The following PRKG1 variants were observed in gnomAD, a reference collection of about 807,000 sequenced individuals.
PRKG1 encodes the protein protein kinase cGMP-dependent 1.
A neutral mutation model predicts 88.1 loss-of-function variants in PRKG1; 35 were observed. That is an observed-to-expected ratio of 0.40 (90% CI 0.30 to 0.53). The LOEUF (loss-of-function observed/expected upper bound fraction) is 0.53. PRKG1 is among the 20% of genes least tolerant of loss of function. The pLI is 0.59. For missense variants in PRKG1, 540 were observed against 839.8 expected (o/e 0.64, Z 4.41); for synonymous variants, 303 against 292.5 (o/e 1.04, Z -0.37).
intron 3 of PRKG1, among the ~76,000 whole-genome samples, chr10:51,781,291 A>G (rs921215965): frequency 1.3e-5 from 2 of 152,166 alleles, no homozygotes; most frequent in Non-Finnish European, 2.9e-5. Flanking sequence ...ATGTGTATTT[A>G]TACTCATGAT....
chr10:51,136,950 G>A (rs1050446976), intron 1 of PRKG1, among the ~76,000 whole-genome samples: 1 of 151,930 alleles, frequency 6.6e-6, no homozygotes, highest in Non-Finnish European at 1.5e-5. Context: ...TGCCCACGCT[G>A]GAGTGCAGTG....
At chr10:52,169,412 C>T (rs372160883) in intron 9 of PRKG1, among the ~76,000 whole-genome samples, 1 of 152,096 alleles carries the variant, frequency 6.6e-6, no homozygotes, top group African/African-American at 2.4e-5. Flanking sequence ...GGAACAAGAG[C>T]TCTCTGGGGT....
chr10:51,450,561 C>T (rs1386594267), intron 2 of PRKG1, among the ~76,000 whole-genome samples: 1 of 152,008 alleles, frequency 6.6e-6, no homozygotes, highest in Non-Finnish European at 1.5e-5. Context: ...AAGAATTCGA[C>T]TTTGTCTTCT....
At chr10:51,792,826 T>G (rs1010435055) in intron 3 of PRKG1, among the ~76,000 whole-genome samples, 11 of 152,146 alleles carry the variant, frequency 7.2e-5, no homozygotes, top group Admixed American at 7.2e-4. Context: ...TGGGAGTTAC[T>G]GTGCCTAAAA....
At chr10:52,171,774 TCTTTTATCAAAA>T (rs1838686669) in intron 9 of PRKG1, among the ~76,000 whole-genome samples, 4 of 149,584 alleles carry the variant, frequency 2.7e-5, no homozygotes, top group Middle Eastern at 3.4e-3. Flanking sequence ...GAAGTATTTT[TCTTTTATCAAAA>T]TTTTTTTTTT....
At chr10:51,351,515 G>GT (rs200050595) in intron 2 of PRKG1, among the ~76,000 whole-genome samples, 23,817 of 151,292 alleles carry the variant, frequency 0.16, 2,761 homozygotes, top group African/African-American at 0.32. Flanking sequence ...GTGATGATGA[G>GT]TTTTTTTTTC....
chr10:51,746,252 C>A (rs1256783452), intron 3 of PRKG1, among the ~76,000 whole-genome samples: 11 of 151,782 alleles, frequency 7.2e-5, no homozygotes, highest in Admixed American at 7.2e-4. Flanking sequence ...ACCGAACAAG[C>A]AACCTGTGTA....
At chr10:51,984,965 T>A (rs1844115413) in intron 5 of PRKG1, among the ~76,000 whole-genome samples, 1 of 152,186 alleles carries the variant, frequency 6.6e-6, no homozygotes, top group South Asian at 2.1e-4. Flanking sequence ...AAGAGTTAAG[T>A]GTCTGAAAAG....
At chr10:52,105,517 G>C (rs1173273995) in intron 7 of PRKG1, among the ~76,000 whole-genome samples, 1 of 152,068 alleles carries the variant, frequency 6.6e-6, no homozygotes. Flanking sequence ...GACTGCAGAG[G>C]GCGTGTAGAA....
chr10:51,808,769 T>C (rs778272999), intron 4 of PRKG1, among the ~76,000 whole-genome samples: 7 of 151,160 alleles, frequency 4.6e-5, no homozygotes, highest in Non-Finnish European at 8.8e-5. Context: ...AGATATCTTA[T>C]ACTTTATACT....
chr10:51,831,569 C>T (rs1345088928), intron 4 of PRKG1, among the ~76,000 whole-genome samples: 4 of 152,128 alleles, frequency 2.6e-5, no homozygotes, highest in African/African-American at 9.7e-5. Context: ...TATGGCTGCT[C>T]CGTAAATTTT....
At chr10:52,291,731 ATAG>A (rs1456664875) in intron 17 of PRKG1, among the ~76,000 whole-genome samples, 8 of 116,092 alleles carry the variant, frequency 6.9e-5, no homozygotes, top group African/African-American at 4.3e-4. Context: ...ATGTGTCTTT[ATAG>A]CAGCATGATT....
At chr10:51,094,170 T>C (rs1019263318) in intron 1 of PRKG1, among the ~76,000 whole-genome samples, 2 of 151,948 alleles carry the variant, frequency 1.3e-5, no homozygotes, top group African/African-American at 4.8e-5. Context: ...ACTAGCATAG[T>C]ATCTAGGGCA....
intron 5 of PRKG1, among the ~76,000 whole-genome samples, chr10:51,931,613 A>G (rs1024807120): frequency 6.6e-6 from 1 of 152,190 alleles, no homozygotes. Context: ...CTCTCAGTTA[A>G]ATGTATTTCC....
chr10:51,216,145 T>G (rs1838365517), intron 2 of PRKG1, among the ~76,000 whole-genome samples: 1 of 152,160 alleles, frequency 6.6e-6, no homozygotes, highest in Admixed American at 6.5e-5. Context: ...ATTTGTGGGA[T>G]GAATGAATGA....
At chr10:51,300,373 C>T (rs1029233843) in intron 2 of PRKG1, among the ~76,000 whole-genome samples, 4 of 152,090 alleles carry the variant, frequency 2.6e-5, no homozygotes, top group African/African-American at 4.8e-5. Context: ...ATCATAAATT[C>T]GGGATTTATG....
At chr10:52,095,924 G>T (rs1847161185) in intron 7 of PRKG1, among the ~76,000 whole-genome samples, 1 of 152,170 alleles carries the variant, frequency 6.6e-6, no homozygotes, top group Admixed American at 6.6e-5. Context: ...GGTGCTGTGG[G>T]ACCATAGCTG....
chr10:52,188,318 GTA>G (rs1367876781), intron 9 of PRKG1, among the ~76,000 whole-genome samples: 2 of 93,720 alleles, frequency 2.1e-5, no homozygotes, highest in African/African-American at 1.1e-4. Flanking sequence ...ATATACATAT[GTA>G]TATATATACA....
At chr10:51,062,419 C>T (rs1843702785) in intron 1 of PRKG1, among the ~76,000 whole-genome samples, 2 of 152,146 alleles carry the variant, frequency 1.3e-5, no homozygotes, top group South Asian at 4.1e-4. Context: ...ACAGACTTCA[C>T]TTTTCTCTGG....
Sources: gnomAD v4.1 joint callset for allele counts (sites outside exome capture counted in the v4.1 genomes callset) on GRCh38, gnomAD v4.1.1 for gene constraint, MANE v1.5 for transcripts, NCBI Gene and HGNC (gene_info 2026-07-23, HGNC 2026-07-21) for gene names.